The following STIM2 variants were observed in gnomAD, a reference collection of about 807,000 sequenced individuals.
STIM2 encodes the protein stromal interaction molecule 2.
Under a neutral mutation model 85.8 loss-of-function variants are expected in STIM2, and 31 were observed. The observed-to-expected ratio is 0.36, with a 90% CI of 0.27 to 0.49. The LOEUF (loss-of-function observed/expected upper bound fraction) is 0.49, where lower values mean the gene tolerates loss of function less well. Ranked by LOEUF, STIM2 falls within the 20% of genes least tolerant of loss-of-function variation. STIM2 has a pLI of 0.98. For missense variants in STIM2, 841 were observed against 927.6 expected, an observed-to-expected ratio of 0.91 and a Z score of 1.21; for synonymous variants, 356 against 331.1, an observed-to-expected ratio of 1.08 and a Z score of -0.82.
At chr4:26,873,911 A>C (rs866433983) in intron 1 of STIM2, 3 of 1,376,894 alleles carry the variant, frequency 2.2e-6, no homozygotes, top group Non-Finnish European at 3.0e-6. Context: ...GGCTGAGTGG[A>C]CAGGGGCGCC....
intron 2 of STIM2, among the ~76,000 whole-genome samples, chr4:26,950,344 A>G (rs189006330): frequency 6.6e-6 from 1 of 152,346 alleles, no homozygotes; most frequent in African/African-American, 2.4e-5. Context: ...GGTACAATCT[A>G]CACACTCCTG....
intron 1 of STIM2, among the ~76,000 whole-genome samples, chr4:26,888,925 GTCT>G (rs1723359830): frequency 6.6e-6 from 1 of 152,258 alleles, no homozygotes; most frequent in African/African-American, 2.4e-5. Context: ...CTAACCCTGG[GTCT>G]TCTTTGCCTG....
chr4:26,982,349 T>A lies in STIM2; in HGVS notation c.398-13030T>A, dbSNP rs563122158. ...AGTTTTGAGTTTGTTACTATTATGA[T>A]TTTGATGCTCAAATTGTCCCAAATT... On this transcript the variant is annotated intron_variant, in intron 3 of 11. Transcript: ENST00000467087. Among the ~76,000 whole-genome samples, 7 of 152,338 alleles carry A rather than the reference T, an allele frequency of 4.6e-5. No homozygotes were observed. In the South Asian group the frequency reaches 8.3e-4, roughly 18 times the overall value.
intron 3 of STIM2, among the ~76,000 whole-genome samples, chr4:26,970,199 G>GTATATATA (rs67648567): frequency 1.1e-5 from 1 of 91,126 alleles, no homozygotes; most frequent in African/African-American, 3.8e-5. Flanking sequence ...TAGTGTGTGT[G>GTATATATA]TATATATATA....
At chr4:27,015,983 C>T (rs1728719315) in intron 10 of STIM2, among the ~76,000 whole-genome samples, 1 of 151,814 alleles carries the variant, frequency 6.6e-6, no homozygotes, top group South Asian at 2.1e-4. Context: ...TCTTATCTTC[C>T]ACATTTCTTA....
intron 1 of STIM2, among the ~76,000 whole-genome samples, chr4:26,906,932 A>C (rs1577430037): frequency 1.3e-5 from 2 of 150,064 alleles, no homozygotes; most frequent in Admixed American, 1.3e-4. Context: ...GCATCACTGC[A>C]CTCCAGCCTG....
chr4:27,008,027 A>C (rs1728427944), intron 8 of STIM2: 2 of 715,664 alleles, frequency 2.8e-6, no homozygotes, highest in South Asian at 1.5e-5. Context: ...ACTGGAAATT[A>C]ACTTTGACAC....
rs558524581 is a variant in STIM2 at position 26,882,075 on chromosome 4, T to C, written c.151+20706T>C. ...TTTCAGTGAAATGTCATGTTTTTAT[T>C]TCTTTGATTATTTAGAGTATGATTG... On this transcript the variant is annotated intron_variant, in intron 1 of 11. Coordinates refer to ENST00000467087, the MANE Select transcript of STIM2 (RefSeq NM_020860.4). Among the ~76,000 whole-genome samples, 32 of 152,332 alleles carry C rather than the reference T, an allele frequency of 2.1e-4. No homozygotes were observed. The South Asian group carries it at 4.1e-3, about 20-fold the overall frequency.
intron 11 of STIM2, chr4:27,021,406 G>A: frequency 2.2e-6 from 1 of 448,326 alleles, no homozygotes; most frequent in South Asian, 1.6e-5. Flanking sequence ...GGAGAAGTAA[G>A]CCACGTGGAG....
At chr4:26,995,350 A>G (rs1727916198) in intron 3 of STIM2, 29 bp from the exon 4 acceptor site, 1 of 1,270,744 alleles carries the variant, frequency 7.9e-7, no homozygotes. Context: ...GTGTGTTTAA[A>G]ATATGCATTC....
chr4:26,918,085 A>G (rs1273004813), intron 1 of STIM2, among the ~76,000 whole-genome samples: 1 of 152,058 alleles, frequency 6.6e-6, no homozygotes, highest in Non-Finnish European at 1.5e-5. Flanking sequence ...TCCTACTTTT[A>G]TAGTTTCCTT....
intron 10 of STIM2, 56 bp from the exon 11 acceptor site, chr4:27,017,655 G>A (rs1208483990): frequency 1.9e-6 from 3 of 1,596,066 alleles, no homozygotes; most frequent in Non-Finnish European, 2.6e-6. Context: ...TATTTGTGGT[G>A]ACTGTAAAGG....
chr4:26,887,434 G>C (rs1376381253), intron 1 of STIM2, among the ~76,000 whole-genome samples: 1 of 152,024 alleles, frequency 6.6e-6, no homozygotes, highest in Non-Finnish European at 1.5e-5. Context: ...AACTTCTCCG[G>C]TGTATCCCTT....
intron 7 of STIM2, among the ~76,000 whole-genome samples, chr4:27,003,944 T>C (rs990719759): frequency 2.0e-5 from 3 of 152,180 alleles, no homozygotes; most frequent in Non-Finnish European, 4.4e-5. Context: ...GATGCTTTCT[T>C]TACTGATAAT....
chr4:27,021,760 A>G, intron 11 of STIM2: 2 of 407,246 alleles, frequency 4.9e-6, no homozygotes, highest in South Asian at 1.8e-5. Context: ...TGGCTGTTGC[A>G]GAGGAAGGAT....
chr4:26,919,674 A>G lies in STIM2; in HGVS notation c.282+40A>G, dbSNP rs756696589. On this transcript the variant is annotated intron_variant, in intron 2 of 11. Transcript: ENST00000467087. Reference sequence around the variant, plus strand: ...GTTTTCCTTGCTATTGTCTTAGAACAGAATGACTGCATTTCTGTTTCTGGT... The same window carrying G: ...GTTTTCCTTGCTATTGTCTTAGAACGGAATGACTGCATTTCTGTTTCTGGT... The G allele has an allele frequency of 7.5e-6, 12 of 1,598,572 alleles. No individual in the cohort carries two copies. In the Admixed American group the frequency reaches 1.4e-4, roughly 18 times the overall value.
chr4:26,864,677 G>T (rs996525179), intron 1 of STIM2, among the ~76,000 whole-genome samples: 8 of 151,958 alleles, frequency 5.3e-5, no homozygotes, highest in African/African-American at 1.9e-4. Flanking sequence ...CACTGATTTG[G>T]CATGTTATTA....
chr4:27,022,416 T>TAA (rs2109149668), intron 11 of STIM2, 103 bp from the exon 12 acceptor site: 2 of 955,488 alleles, frequency 2.1e-6, no homozygotes, highest in South Asian at 3.9e-5. Flanking sequence ...TTCCCTCTTT[T>TAA]AAATTTCAAA....
intron 2 of STIM2, among the ~76,000 whole-genome samples, chr4:26,930,511 A>G (rs1725167701): frequency 6.6e-6 from 1 of 152,112 alleles, no homozygotes; most frequent in Non-Finnish European, 1.5e-5. Context: ...TACATATATA[A>G]AACAAAATCA....
Sources: gnomAD v4.1 joint callset for allele counts (sites outside exome capture counted in the v4.1 genomes callset) on GRCh38, gnomAD v4.1.1 for gene constraint, MANE v1.5 for transcripts, NCBI Gene and HGNC (gene_info 2026-07-23, HGNC 2026-07-21) for gene names.